MED14: variants seen among roughly 807,000 people sequenced by gnomAD.
MED14 encodes mediator of RNA polymerase II transcription subunit 14.
In MED14, 8 loss-of-function variants were observed where a neutral mutation model predicts 109.0. The observed-to-expected ratio is 0.07, with a 90% CI of 0.04 to 0.13. MED14 has a LOEUF of 0.13. Among genes scored for constraint, MED14 ranks in the 10% least tolerant of loss-of-function variants. The pLI, the probability that MED14 is intolerant of heterozygous loss-of-function variation, is 1.00. For synonymous variants in MED14, 399 were observed against 408.7 expected, an observed-to-expected ratio of 0.98 and a Z score of 0.29; for missense variants, 711 against 1,142.4, an observed-to-expected ratio of 0.62 and a Z score of 5.44.
chrX:40,662,887 T>A, intron 26 of MED14, 38 bp downstream of exon 26: 1 of 1,087,165 alleles, frequency 9.2e-7, no homozygotes, highest in East Asian at 3.1e-5. Flanking sequence ...ATTTTACCCT[T>A]AACAATCACC....
At chrX:40,670,641 GTCCCAGCTAC>G (rs1929689412) in intron 23 of MED14, among the ~76,000 whole-genome samples, 1 of 110,107 alleles carries the variant, frequency 9.1e-6, no homozygotes, top group Non-Finnish European at 1.9e-5. Flanking sequence ...GGCGCCTGTA[GTCCCAGCTAC>G]TCGGGAGGCT....
intron 24 of MED14, among the ~76,000 whole-genome samples, chrX:40,664,998 C>G (rs1239645915): frequency 9.0e-6 from 1 of 111,322 alleles, no homozygotes; most frequent in Non-Finnish European, 1.9e-5. Context: ...AAATTTCACC[C>G]TCCATTGGTA....
rs1056105526 is a variant in MED14 at position 40,668,835 on chromosome X, G to A, written c.3134-1984C>T. 3.6e-5 allele frequency among the ~76,000 whole-genome samples: 4 copies of A among 112,092 alleles called. No individual in the cohort carries two copies. The East Asian group carries it at 1.1e-3, about 31-fold the overall frequency. On this transcript the variant is annotated intron_variant, in intron 23 of 30. Coordinates refer to ENST00000324817, the MANE Select transcript of MED14 (RefSeq NM_004229.4). ...TTGTAATAAAAGTTATGTGAATATG[G>A]TATCTCTCTGTCTCTAAATATCTTA...
chrX:40,682,702 G>A lies in MED14; in HGVS notation c.2266C>T (p.Pro756Ser). The A allele has an allele frequency of 8.3e-7, 1 of 1,207,086 alleles. No homozygotes were observed. Among genetic ancestry groups the A allele is most frequent in the East Asian group, 3.0e-5 (1 of 33,782 alleles). ...YLTYENLLSE[P>S]VGGRKVVEMF... ...TCAACCACCTTTCTACCACCAACAGGCTCAGACAACAGATTTTCATATGTC... is the reference window on the plus strand; with the variant it reads ...TCAACCACCTTTCTACCACCAACAGACTCAGACAACAGATTTTCATATGTC... Residue 756 changes from proline (P) to serine (S), a missense_variant, in exon 18 of 31, where the codon CCT becomes TCT. Around this residue, in one of 8 missense-constraint regions of MED14, gnomAD observed 388 missense variants for 517.3 expected, o/e 0.75. Transcript: ENST00000324817.
chrX:40,687,497 T>G (rs1320349197), intron 16 of MED14, among the ~76,000 whole-genome samples: 1 of 111,944 alleles, frequency 8.9e-6, no homozygotes, highest in East Asian at 2.8e-4. Context: ...AGCTTCTTAG[T>G]GCCATTAGGA....
intron 8 of MED14, among the ~76,000 whole-genome samples, 197 bp downstream of exon 8, chrX:40,710,972 C>A (rs763146842): frequency 8.9e-6 from 1 of 111,846 alleles, no homozygotes; most frequent in East Asian, 2.8e-4. Context: ...CCAGCAGAAC[C>A]CACGTATAGG....
In MED14 at chrX:40,735,222, G is replaced by T; in HGVS notation, c.191C>A (p.Ser64Ter). The T allele has an allele frequency of 8.7e-7, 1 of 1,144,215 alleles. No individual in the cohort carries two copies. Among genetic ancestry groups the T allele is most frequent in the Non-Finnish European group, 1.2e-6 (1 of 860,881 alleles). The allele number at this position is 1,144,215 out of a possible 1,213,427, so 94.3% of individuals were successfully genotyped here. ...CAGGTCCGTCAACACCATAAGCTCC[G>T]AGTAGGCCCGGTGCAGCAGAAATTC... is the stretch of plus-strand genomic sequence containing the variant. ...LIEFLLHRAY[S>*]ELMVLTDLLP... The change falls in exon 1 of 31, where the codon TCG becomes TAG. Residue 64 changes from serine (S) to a stop codon, truncating the protein, a stop_gained. Coordinates refer to ENST00000324817, the MANE Select transcript of MED14 (RefSeq NM_004229.4). LOFTEE classifies it high-confidence loss of function.
chrX:40,728,962 C>T (rs1354930817), intron 2 of MED14, among the ~76,000 whole-genome samples: 1 of 110,851 alleles, frequency 9.0e-6, no homozygotes, highest in Admixed American at 9.5e-5. Flanking sequence ...GGACTACAGG[C>T]GCCCGCCACT....
chrX:40,685,545 G>T (rs1930262865), intron 16 of MED14, among the ~76,000 whole-genome samples: 1 of 112,587 alleles, frequency 8.9e-6, no homozygotes, highest in South Asian at 3.6e-4. Flanking sequence ...ACCCTCGTGG[G>T]TGTGGCCAGA....
chrX:40,735,818 G>A, upstream of MED14: 1 of 330,331 alleles, frequency 3.0e-6, no homozygotes, highest in South Asian at 2.7e-5. Context: ...CAGCTGTCTA[G>A]CACCGCAGCG....
intron 10 of MED14, among the ~76,000 whole-genome samples, chrX:40,706,593 T>G (rs900353868): frequency 5.4e-5 from 6 of 111,855 alleles, no homozygotes; most frequent in Non-Finnish European, 1.1e-4. Context: ...AGCAGACAGC[T>G]GAACTCAGAT....
At chrX:40,677,538 T>C (rs900579152) in intron 21 of MED14, among the ~76,000 whole-genome samples, 2 of 111,404 alleles carry the variant, frequency 1.8e-5, no homozygotes, top group Non-Finnish European at 3.8e-5. Flanking sequence ...TAATAGAATG[T>C]TTAAAATAAA....
intron 3 of MED14, among the ~76,000 whole-genome samples, chrX:40,722,039 C>T (rs1162831025): frequency 9.0e-6 from 1 of 111,086 alleles, no homozygotes; most frequent in Non-Finnish European, 1.9e-5. Flanking sequence ...ACAATAAATA[C>T]CTAACTCTTT....
intron 3 of MED14, among the ~76,000 whole-genome samples, chrX:40,726,240 CTA>C (rs908121662): frequency 4.5e-5 from 5 of 110,770 alleles, no homozygotes; most frequent in Non-Finnish European, 7.6e-5. Context: ...CCTCTGTGCC[CTA>C]TACCCTGTGC....
At chrX:40,685,395 A>G in intron 16 of MED14, among the ~76,000 whole-genome samples, 1 of 112,394 alleles carries the variant, frequency 8.9e-6, no homozygotes, top group East Asian at 2.8e-4. Flanking sequence ...GCCTAAAAGG[A>G]AAGTGAAGAG....
upstream of MED14, chrX:40,735,716 A>T (rs938992577): frequency 9.0e-6 from 4 of 442,588 alleles, no homozygotes; most frequent in Non-Finnish European, 4.1e-6. Flanking sequence ...GACAGCCGCA[A>T]CGTACATGTT....
At chrX:40,721,658 G>C (rs1023400016) in intron 3 of MED14, among the ~76,000 whole-genome samples, 1 of 112,163 alleles carries the variant, frequency 8.9e-6, no homozygotes, top group Non-Finnish European at 1.9e-5. Context: ...TGGTAGCCAG[G>C]TTACCAGTGT....
intron 2 of MED14, among the ~76,000 whole-genome samples, chrX:40,728,967 G>A (rs368842865): frequency 6.3e-5 from 7 of 111,265 alleles, no homozygotes; most frequent in Non-Finnish European, 1.1e-4. Context: ...ACAGGCGCCC[G>A]CCACTATGCC....
At chrX:40,679,779 CT>C in intron 21 of MED14, 84 bp downstream of exon 21, 8 of 954,326 alleles carry the variant, frequency 8.4e-6, no homozygotes, top group Non-Finnish European at 1.1e-5. Context: ...GAATTTGTTG[CT>C]TTTCCCCATT....
Sources: allele counts gnomAD v4.1 joint callset (sites outside exome capture counted in the v4.1 genomes callset), GRCh38; gene constraint gnomAD v4.1.1; regional missense constraint gnomAD v4.1.1; transcripts MANE v1.5; gene names NCBI Gene and HGNC (gene_info 2026-07-23, HGNC 2026-07-21).